NRXN1: variants seen among roughly 807,000 people sequenced by gnomAD.
NRXN1 encodes neurexin 1, also known as neurexin-1.
Under a neutral mutation model 150.9 loss-of-function variants are expected in NRXN1, and 39 were observed. The ratio of observed to expected loss-of-function variants is 0.26; its 90% CI spans 0.20 to 0.34. The LOEUF (loss-of-function observed/expected upper bound fraction) is 0.34, where lower values mean the gene tolerates loss of function less well. Among genes scored for constraint, NRXN1 ranks in the 10% least tolerant of loss-of-function variants. NRXN1 has a pLI of 1.00. For missense variants in NRXN1, 1,815 were observed against 1,949.9 expected (o/e 0.93, Z 1.30); for synonymous variants, 924 against 757.0 (o/e 1.22, Z -3.62).
intron 21 of NRXN1, among the ~76,000 whole-genome samples, chr2:49,957,764 G>A (rs942999593): frequency 6.6e-6 from 1 of 152,244 alleles, no homozygotes; most frequent in South Asian, 2.1e-4. Context: ...GGCATGGTCA[G>A]GTGTGGGTCA....
intron 5 of NRXN1, among the ~76,000 whole-genome samples, chr2:50,644,288 G>T (rs1003102826): frequency 1.3e-5 from 2 of 151,598 alleles, no homozygotes; most frequent in Admixed American, 1.3e-4. Flanking sequence ...AACTGAATTG[G>T]AAAGAAAAAT....
At chr2:50,427,680 C>A (rs1217332243) in intron 17 of NRXN1, among the ~76,000 whole-genome samples, 1 of 152,210 alleles carries the variant, frequency 6.6e-6, no homozygotes. Context: ...AAATATCTAA[C>A]CTAAATCAAT....
chr2:50,441,208 T>C (rs1330809785), intron 17 of NRXN1, among the ~76,000 whole-genome samples: 1 of 152,130 alleles, frequency 6.6e-6, no homozygotes, highest in Non-Finnish European at 1.5e-5. Context: ...AAGTAGATAT[T>C]TTATCTTAAA....
In NRXN1 at chr2:50,579,402, C is replaced by T. The variant is rs199875686; in HGVS notation, c.1321-26377G>A. Among the ~76,000 whole-genome samples, 12 of 152,264 alleles carry T rather than the reference C, an allele frequency of 7.9e-5. No individual in the cohort carries two copies. The East Asian group carries it at 2.1e-3, about 27-fold the overall frequency. ...GATGCAGGGCATGGTGGCTGATGCC[C>T]GTTATCCTGGTACTTCGGAAGGCCG... On this transcript the variant is annotated intron_variant, in intron 8 of 22. Coordinates refer to ENST00000401669, the MANE Select transcript of NRXN1 (RefSeq NM_001330078.2).
chr2:50,154,376 C>CAA (rs529421915), intron 18 of NRXN1, among the ~76,000 whole-genome samples: 3 of 150,032 alleles, frequency 2.0e-5, no homozygotes, highest in African/African-American at 7.3e-5. Flanking sequence ...TAAAATTAAA[C>CAA]AAAAAAAACA....
At chr2:50,977,046 A>G (rs1463477244) in intron 2 of NRXN1, among the ~76,000 whole-genome samples, 3 of 152,042 alleles carry the variant, frequency 2.0e-5, no homozygotes, top group Non-Finnish European at 2.9e-5. Flanking sequence ...ACCAAACAGC[A>G]TAACAGAATT....
chr2:50,787,435 G>A (rs1298959210), intron 5 of NRXN1, among the ~76,000 whole-genome samples: 2 of 151,766 alleles, frequency 1.3e-5, no homozygotes, highest in East Asian at 3.9e-4. Context: ...GTTGGCGGGC[G>A]CCTGTAATCC....
intron 5 of NRXN1, among the ~76,000 whole-genome samples, chr2:50,686,702 T>C (rs1253891667): frequency 1.3e-5 from 2 of 152,158 alleles, no homozygotes; most frequent in Non-Finnish European, 2.9e-5. Flanking sequence ...ACATCTCGAG[T>C]CTATCTCCAG....
chr2:50,482,914 G>A (rs1289261986), intron 15 of NRXN1, among the ~76,000 whole-genome samples: 1 of 151,934 alleles, frequency 6.6e-6, no homozygotes, highest in Non-Finnish European at 1.5e-5. Flanking sequence ...AGCTGTGCGT[G>A]GTGGCATGCG....
At chr2:50,344,701 G>A (rs2077804622) in intron 17 of NRXN1, among the ~76,000 whole-genome samples, 1 of 152,224 alleles carries the variant, frequency 6.6e-6, no homozygotes, top group Non-Finnish European at 1.5e-5. Context: ...GCAGAAGCTT[G>A]CAGCGGAGAG....
intron 17 of NRXN1, among the ~76,000 whole-genome samples, chr2:50,436,868 T>G (rs2085491464): frequency 6.6e-6 from 1 of 152,166 alleles, no homozygotes. Flanking sequence ...CAATGGTATC[T>G]CAAAACTAGG....
At chr2:50,465,869 T>G (rs1366580396) in intron 16 of NRXN1, among the ~76,000 whole-genome samples, 2 of 151,912 alleles carry the variant, frequency 1.3e-5, no homozygotes, top group Admixed American at 6.6e-5. Flanking sequence ...TAATTCTTTA[T>G]CACTATTTTG....
At chr2:50,598,478 G>C (rs1212473594) in intron 8 of NRXN1, among the ~76,000 whole-genome samples, 1 of 150,930 alleles carries the variant, frequency 6.6e-6, no homozygotes, top group Non-Finnish European at 1.5e-5. Flanking sequence ...AGACTAAATA[G>C]CATGTGTAAA....
chr2:50,936,783 T>C (rs1688610137), intron 2 of NRXN1, among the ~76,000 whole-genome samples: 1 of 152,114 alleles, frequency 6.6e-6, no homozygotes, highest in Non-Finnish European at 1.5e-5. Context: ...TTGATAACTT[T>C]AAATAGGCCT....
In NRXN1 at chr2:50,597,140, C is replaced by T. The variant is rs377578599; in HGVS notation, c.1320+22882G>A. Among the ~76,000 whole-genome samples the T allele has an allele frequency of 1.1e-4, 17 of 152,152 alleles. No individual in the cohort carries two copies. The South Asian group carries it at 2.3e-3, about 20-fold the overall frequency. ...GATTTCAGGAACGAGTCACCGTGCC[C>T]GGTGGGACATGCTTCTTAATGAACA... On this transcript the variant is annotated intron_variant, in intron 8 of 22. Transcript: ENST00000401669.
rs1667724152 is a variant in NRXN1 at position 50,552,814 on chromosome 2, G to A, written c.1532C>T (p.Thr511Ile). 1.2e-6 allele frequency: 2 copies of A among 1,613,930 alleles called. No individual in the cohort carries two copies. Among genetic ancestry groups the A allele is most frequent in the African/African-American group, 1.3e-5 (1 of 75,038 alleles). ...TGSISFDFRT[T>I]EPNGLILFSH... ...AAATAAGATGAGGCCATTTGGCTCT[G>A]TTGTACGGAAATCAAATGATATGGA... The change falls in exon 9 of 23, where the codon ACA becomes ATA. Residue 511 changes from threonine to isoleucine, a missense_variant. Around this residue, in one of 6 missense-constraint regions of NRXN1, gnomAD observed 638 missense variants for 652.6 expected, o/e 0.98. Coordinates refer to ENST00000401669, the MANE Select transcript of NRXN1 (RefSeq NM_001330078.2).
At chr2:50,495,380 G>GTGGTGT (rs1262524763) in intron 15 of NRXN1, among the ~76,000 whole-genome samples, 8 of 17,740 alleles carry the variant, frequency 4.5e-4, no homozygotes, top group African/African-American at 1.1e-3. Context: ...GTGTGTGTGT[G>GTGGTGT]GTGTGTGTGT....
rs866799849 is a variant in NRXN1 at position 50,642,282 on chromosome 2, T to C, written c.833-18667A>G. Among the ~76,000 whole-genome samples, 10 of 151,966 alleles carry C rather than the reference T, an allele frequency of 6.6e-5. 1 individual carries two copies. The Middle Eastern group carries it at 9.6e-3, about 145-fold the overall frequency. The stretch of plus-strand genomic sequence containing the variant: ...AATGCAAAGGGGGATACAAGACATA[T>C]AAAAGGCTATGGAACTTAAAAAGAA... On this transcript the variant is annotated intron_variant, in intron 5 of 22. Transcript: ENST00000401669.
chr2:51,012,188 G>A (rs1316191664), intron 2 of NRXN1, among the ~76,000 whole-genome samples: 1 of 151,902 alleles, frequency 6.6e-6, no homozygotes, highest in Non-Finnish European at 1.5e-5. Context: ...CACATTTTAT[G>A]CTGCAACAAA....
Sources: allele counts gnomAD v4.1 joint callset (sites outside exome capture counted in the v4.1 genomes callset), GRCh38; gene constraint gnomAD v4.1.1; regional missense constraint gnomAD v4.1.1; transcripts MANE v1.5; gene names NCBI Gene and HGNC (gene_info 2026-07-23, HGNC 2026-07-21).